The following SULF1 variants were observed in gnomAD, a reference collection of about 807,000 sequenced individuals.
SULF1 encodes the protein sulfatase 1.
In SULF1, 46 loss-of-function variants were observed where a neutral mutation model predicts 110.5. The observed-to-expected ratio is 0.42, with a 90% confidence interval of 0.33 to 0.53. SULF1 has a LOEUF of 0.53. SULF1 is among the 20% of genes least tolerant of loss of function. The pLI, the probability that SULF1 is intolerant of heterozygous loss-of-function variation, is 0.12. For missense variants in SULF1, 941 were observed against 1,094.2 expected, an observed-to-expected ratio of 0.86 and a Z score of 1.98; for synonymous variants, 371 against 387.1, an observed-to-expected ratio of 0.96 and a Z score of 0.49.
rs1807238702 is a variant in SULF1, at chr8:69,595,533, AG to A, written c.735-5069del. Among the ~76,000 whole-genome samples, 5 of 152,334 alleles carry A rather than the reference AG, an allele frequency of 3.3e-5. No homozygotes were observed. In the South Asian group the frequency reaches 1.0e-3, roughly 32 times the overall value. The stretch of plus-strand genomic sequence containing the variant: ...AAGTCCATTAAGTAAGTTCAGTTTT[AG>A]TGAAAACTGAGATGGTGCAGCTTGA... On this transcript the variant is annotated intron_variant, in intron 8 of 22. Coordinates refer to ENST00000402687, the MANE Select transcript of SULF1 (RefSeq NM_001128205.2).
In SULF1 at chr8:69,621,192, G is replaced by A. The variant is rs202168144; in HGVS notation, c.1535G>A (p.Arg512His). 78 of 1,613,998 alleles carry A rather than the reference G, an allele frequency of 4.8e-5. 1 individual carries two copies. Among genetic ancestry groups the A allele is most frequent in the South Asian group, 2.6e-4 (24 of 91,074 alleles). The change falls in exon 14 of 23, where the codon CGT (arginine) becomes CAT (histidine). Residue 512 changes from arginine (R) to histidine (H), a missense_variant. Physicochemically the swap from Arg to His is conservative, Grantham distance 29 (BLOSUM62 0). Around this residue, in one of 3 missense-constraint regions of SULF1, gnomAD observed 822 missense variants for 934.3 expected, o/e 0.88. Coordinates refer to ENST00000402687, the MANE Select transcript of SULF1 (RefSeq NM_001128205.2). ...TGCAGTTGTAGGGAGTCTGGTTACC[G>A]TGCCAGCAGAAGCCAAAGAAAGAGT... Reference protein sequence around the residue: ...KECSCRESGYRASRSQRKSQR... With the variant: ...KECSCRESGYHASRSQRKSQR...
chr8:69,471,434 T>C (rs1441200), intron 1 of SULF1, among the ~76,000 whole-genome samples: 20,774 of 152,108 alleles, frequency 0.14, 1,880 homozygotes, highest in East Asian at 0.48. Flanking sequence ...TGGGTTTTAT[T>C]TGGGGGAAAC....
At chr8:69,508,109 ATT>A (rs11341009) in intron 3 of SULF1, among the ~76,000 whole-genome samples, 6,525 of 147,752 alleles carry the variant, frequency 0.044, 569 homozygotes, top group East Asian at 0.4. Flanking sequence ...GATAATTATT[ATT>A]TTTTTTTTTT....
intron 13 of SULF1, among the ~76,000 whole-genome samples, chr8:69,618,476 C>A (rs952089141): frequency 6.6e-6 from 1 of 152,110 alleles, no homozygotes; most frequent in Non-Finnish European, 1.5e-5. Context: ...TGTATGTAGG[C>A]TAAATGGAAA....
intron 3 of SULF1, among the ~76,000 whole-genome samples, chr8:69,531,891 T>G (rs532436381): frequency 6.6e-6 from 1 of 152,180 alleles, no homozygotes; most frequent in Non-Finnish European, 1.5e-5. Flanking sequence ...GCTGATTACA[T>G]ACGCGGCCAC....
At chr8:69,658,383 A>G (rs1812879886) in intron 22 of SULF1, 122 bp from the exon 23 acceptor site, 5 of 693,994 alleles carry the variant, frequency 7.2e-6, no homozygotes, top group African/African-American at 5.3e-5. Context: ...GACTAGGGGA[A>G]AATGCTTTTG....
chr8:69,581,299 ACT>A (rs1386662638), intron 6 of SULF1, among the ~76,000 whole-genome samples: 1 of 152,214 alleles, frequency 6.6e-6, no homozygotes, highest in Non-Finnish European at 1.5e-5. Context: ...ATAAGATTTG[ACT>A]TTTCTGCGGC....
intron 3 of SULF1, among the ~76,000 whole-genome samples, chr8:69,517,539 C>T (rs80346770): frequency 4.0e-5 from 6 of 151,846 alleles, no homozygotes; most frequent in South Asian, 4.2e-4. Context: ...GGTAGGGAAA[C>T]GATATAAGGT....
intron 5 of SULF1, among the ~76,000 whole-genome samples, chr8:69,570,877 G>A (rs1805181857): frequency 6.6e-6 from 1 of 152,220 alleles, no homozygotes; most frequent in African/African-American, 2.4e-5. Flanking sequence ...CACTGGGACA[G>A]TGTGTCTTGG....
At chr8:69,469,945 G>A (rs1432579407) in intron 1 of SULF1, among the ~76,000 whole-genome samples, 1 of 152,174 alleles carries the variant, frequency 6.6e-6, no homozygotes, top group Non-Finnish European at 1.5e-5. Context: ...GGGAGTCTGA[G>A]GCAGGAGAAT....
chr8:69,647,111 A>C (rs1811978306), intron 22 of SULF1, among the ~76,000 whole-genome samples: 2 of 151,552 alleles, frequency 1.3e-5, no homozygotes, highest in South Asian at 4.2e-4. Flanking sequence ...TGCCTGGCTA[A>C]TTTTTGTATT....
Position 69,580,568 on chromosome 8 carries a change from G to C in SULF1, c.412+4359G>C, listed in dbSNP as rs78752984. Among the ~76,000 whole-genome samples, 535 of 152,156 alleles carry C rather than the reference G, an allele frequency of 3.5e-3. 2 individuals carry two copies. Among genetic ancestry groups the C allele is most frequent in the African/African-American group, 0.012 (507 of 41,510 alleles). On this transcript the variant is annotated intron_variant, in intron 6 of 22. Transcript: ENST00000402687. ...GAATGATTCCTAAGTTTTCTTTCTT[G>C]TCCAAAGTTACAGTGTGTTATAACT...
In SULF1 at chr8:69,588,980, C is replaced by G. The variant is rs1641850724; in HGVS notation, c.573C>G (p.Phe191Leu). The part of the protein sequence containing the change: ...KHGFDYAKDY[F>L]TDLITNESIN... Reference sequence around the variant, plus strand: ...TCAAATGTATGTTTCAGGACTACTTCACAGACTTAATCACTAACGAGAGCA... The same window carrying G: ...TCAAATGTATGTTTCAGGACTACTTGACAGACTTAATCACTAACGAGAGCA... The change falls in exon 8 of 23, where the codon TTC (phenylalanine) becomes TTG (leucine). Residue 191 changes from phenylalanine to leucine, a missense_variant. Coordinates refer to ENST00000402687, the MANE Select transcript of SULF1 (RefSeq NM_001128205.2). 1 of 1,612,682 alleles carries G rather than the reference C, an allele frequency of 6.2e-7. No homozygotes were observed. The highest frequency in any genetic ancestry group is 8.5e-7 in the Non-Finnish European group (1 of 1,178,932).
intron 13 of SULF1, among the ~76,000 whole-genome samples, chr8:69,617,350 C>A (rs1449355268): frequency 8.1e-6 from 1 of 123,322 alleles, no homozygotes; most frequent in Non-Finnish European, 1.6e-5. Flanking sequence ...GTATATACCA[C>A]AGGCATGTGC....
At chr8:69,568,932 T>G (rs751331776) in intron 5 of SULF1, among the ~76,000 whole-genome samples, 10 of 152,188 alleles carry the variant, frequency 6.6e-5, no homozygotes, top group Non-Finnish European at 1.5e-4. Context: ...GATGCGTTAT[T>G]TATTCTGTTA....
chr8:69,611,411 C>T (rs1163994682), intron 13 of SULF1, among the ~76,000 whole-genome samples: 1 of 152,200 alleles, frequency 6.6e-6, no homozygotes, highest in Admixed American at 6.5e-5. Context: ...TTCTGCTTCT[C>T]CTTTTCTGTT....
chr8:69,616,089 A>ACACAT, intron 13 of SULF1, among the ~76,000 whole-genome samples: 1 of 135,368 alleles, frequency 7.4e-6, no homozygotes, highest in Non-Finnish European at 1.6e-5. Context: ...TATAATGTGT[A>ACACAT]TATATATACA....
chr8:69,585,122 T>A (rs551739063), intron 6 of SULF1, among the ~76,000 whole-genome samples: 4 of 152,194 alleles, frequency 2.6e-5, no homozygotes, highest in African/African-American at 4.8e-5. Context: ...AAAACTTGCC[T>A]ACATATGTAT....
intron 6 of SULF1, among the ~76,000 whole-genome samples, chr8:69,580,481 G>A (rs987992610): frequency 6.6e-6 from 1 of 152,144 alleles, no homozygotes; most frequent in Non-Finnish European, 1.5e-5. Flanking sequence ...ATTCTACCTT[G>A]ATTTGTTTTG....
Sources: gnomAD v4.1 joint callset for allele counts (sites outside exome capture counted in the v4.1 genomes callset) on GRCh38, gnomAD v4.1.1 for gene constraint, gnomAD v4.1.1 regional missense constraint, MANE v1.5 for transcripts, NCBI Gene and HGNC (gene_info 2026-07-23, HGNC 2026-07-21) for gene names.